Variants in JARID2 observed in about 807,000 individuals in gnomAD.
The protein encoded by JARID2 is jumonji and AT-rich interaction domain containing 2, also known as protein Jumonji.
In JARID2, 21 loss-of-function variants were observed where a neutral mutation model predicts 125.6. That is an observed-to-expected ratio of 0.17 (90% CI 0.12 to 0.24). The LOEUF (loss-of-function observed/expected upper bound fraction) is 0.24, where lower values mean the gene tolerates loss of function less well. Ranked by LOEUF, JARID2 falls within the 10% of genes least tolerant of loss-of-function variation. The pLI is 1.00. For missense variants in JARID2, 1,303 were observed against 1,639.6 expected (o/e 0.79, Z 3.55); for synonymous variants, 736 against 661.6 (o/e 1.11, Z -1.73).
At chr6:15,323,679 A>G (rs965426908) in intron 1 of JARID2, among the ~76,000 whole-genome samples, 1 of 152,166 alleles carries the variant, frequency 6.6e-6, no homozygotes, top group Non-Finnish European at 1.5e-5. Flanking sequence ...TAATCCCTGC[A>G]CTTTGGGAGG....
intron 3 of JARID2, among the ~76,000 whole-genome samples, chr6:15,444,153 G>T (rs915409639): frequency 1.3e-5 from 2 of 152,126 alleles, no homozygotes; most frequent in Admixed American, 6.5e-5. Flanking sequence ...GGCATTCTGC[G>T]TAGGATAACT....
chr6:15,415,603 T>TCC (rs1766129687), intron 3 of JARID2, among the ~76,000 whole-genome samples: 3 of 56,016 alleles, frequency 5.4e-5, no homozygotes, highest in Non-Finnish European at 1.0e-4. Context: ...GGCTGACCCC[T>TCC]CCACCTCCCT....
intron 3 of JARID2, among the ~76,000 whole-genome samples, chr6:15,432,113 A>C (rs554224486): frequency 5.1e-4 from 78 of 151,532 alleles, no homozygotes; most frequent in South Asian, 1.9e-3. Context: ...AAAAAAAAAA[A>C]CACAGATTTA....
At chr6:15,254,087 G>A (rs929971742) in intron 1 of JARID2, among the ~76,000 whole-genome samples, 1 of 152,180 alleles carries the variant, frequency 6.6e-6, no homozygotes, top group African/African-American at 2.4e-5. Context: ...TGTCAGAAGT[G>A]TCCGTCTTCC....
At chr6:15,399,088 C>T (rs979066488) in intron 2 of JARID2, among the ~76,000 whole-genome samples, 3 of 152,184 alleles carry the variant, frequency 2.0e-5, no homozygotes, top group African/African-American at 4.8e-5. Context: ...GTATGACTTA[C>T]GCTGTAGTGG....
intron 2 of JARID2, among the ~76,000 whole-genome samples, chr6:15,409,808 G>A (rs1765801869): frequency 6.6e-6 from 1 of 152,188 alleles, no homozygotes. Context: ...GGCAGGTACT[G>A]GTTCCTGCAG....
At chr6:15,331,855 T>C (rs192034433) in intron 1 of JARID2, among the ~76,000 whole-genome samples, 2 of 152,208 alleles carry the variant, frequency 1.3e-5, no homozygotes, top group African/African-American at 4.8e-5. Context: ...TTCTGCAGTT[T>C]CGCTTTCTGT....
At chr6:15,254,715 A>G (rs1448931348) in intron 1 of JARID2, among the ~76,000 whole-genome samples, 1 of 152,136 alleles carries the variant, frequency 6.6e-6, no homozygotes, top group East Asian at 1.9e-4. Flanking sequence ...AGCAGTGTTT[A>G]TTTACCATGC....
chr6:15,419,202 G>T (rs1766374627), intron 3 of JARID2, among the ~76,000 whole-genome samples: 1 of 152,110 alleles, frequency 6.6e-6, no homozygotes, highest in Non-Finnish European at 1.5e-5. Flanking sequence ...CCACTGATCA[G>T]GTTATTTGGA....
At chr6:15,386,468 C>G (rs1406760733) in intron 2 of JARID2, among the ~76,000 whole-genome samples, 1 of 152,166 alleles carries the variant, frequency 6.6e-6, no homozygotes. Context: ...TCCTCCTTCT[C>G]CCTTCAGTAC....
intron 1 of JARID2, among the ~76,000 whole-genome samples, chr6:15,249,334 TG>T (rs533540269): frequency 2.0e-5 from 3 of 151,824 alleles, no homozygotes; most frequent in South Asian, 4.2e-4. Context: ...GGTACTACGG[TG>T]GGGGGGCTTT....
At chr6:15,398,663 A>C (rs906523943) in intron 2 of JARID2, among the ~76,000 whole-genome samples, 3 of 152,236 alleles carry the variant, frequency 2.0e-5, no homozygotes, top group African/African-American at 4.8e-5. Flanking sequence ...TCAGGAAGTA[A>C]TGACGATGGT....
intron 1 of JARID2, chr6:15,247,732 C>A: frequency 3.0e-6 from 3 of 985,294 alleles, no homozygotes; most frequent in Non-Finnish European, 3.6e-6. Flanking sequence ...AATGCCTCTT[C>A]AAGAGAGCTG....
At chr6:15,475,776 C>G (rs551279939) in intron 5 of JARID2, among the ~76,000 whole-genome samples, 1 of 152,224 alleles carries the variant, frequency 6.6e-6, no homozygotes, top group African/African-American at 2.4e-5. Flanking sequence ...TCCCTCCTCA[C>G]ACCTCAGTTT....
intron 1 of JARID2, among the ~76,000 whole-genome samples, chr6:15,306,334 T>TC (rs1177507767): frequency 3.3e-4 from 44 of 133,308 alleles, no homozygotes; most frequent in African/African-American, 7.7e-4. Flanking sequence ...ATTTCTTTTT[T>TC]TTTTTTTTTT....
intron 1 of JARID2, among the ~76,000 whole-genome samples, chr6:15,307,875 G>T (rs1181377710): frequency 6.6e-6 from 1 of 152,088 alleles, no homozygotes; most frequent in Non-Finnish European, 1.5e-5. Context: ...ATAATTCATC[G>T]GTCCAAGAAA....
At chr6:15,432,664 A>G (rs74387607) in intron 3 of JARID2, among the ~76,000 whole-genome samples, 1 of 152,334 alleles carries the variant, frequency 6.6e-6, no homozygotes, top group South Asian at 2.1e-4. Flanking sequence ...TTGGAATGTT[A>G]CAAAGTTATT....
chr6:15,305,444 C>T lies in JARID2; in HGVS notation c.45+58860C>T, dbSNP rs73726543. ...TGCCTTTGGTTGTTTCCAGTTTTCG[C>T]CACGCTAAATTTCATTCCCCATCCT... On this transcript the variant is annotated intron_variant, in intron 1 of 17. Transcript: ENST00000341776. 9.2e-3 allele frequency among the ~76,000 whole-genome samples: 1,399 copies of T among 152,276 alleles called. 22 individuals carry two copies. Among genetic ancestry groups the T allele is most frequent in the African/African-American group, 0.032 (1,321 of 41,536 alleles).
chr6:15,504,313 C>T (rs1581657420), intron 8 of JARID2, among the ~76,000 whole-genome samples, 187 bp from the exon 9 acceptor site: 3 of 152,242 alleles, frequency 2.0e-5, no homozygotes, highest in Non-Finnish European at 2.9e-5. Context: ...TCTTCCCACT[C>T]CTCTTGGCAC....
Sources: allele counts gnomAD v4.1 joint callset (sites outside exome capture counted in the v4.1 genomes callset), GRCh38; gene constraint gnomAD v4.1.1; transcripts MANE v1.5; gene names NCBI Gene and HGNC (gene_info 2026-07-23, HGNC 2026-07-21).